COMP: variants seen among roughly 807,000 people sequenced by gnomAD.
COMP encodes the protein cartilage oligomeric matrix protein (pseudoachondroplasia, epiphyseal dysplasia 1, multiple).
COMP carries 79 observed loss-of-function variants against 95.8 expected under a neutral mutation model. The observed-to-expected ratio is 0.82, with a 90% CI of 0.69 to 0.99. The LOEUF (loss-of-function observed/expected upper bound fraction) is 0.99, where lower values mean the gene tolerates loss of function less well. COMP is among the 50% of genes least tolerant of loss of function. The pLI, the probability that COMP is intolerant of heterozygous loss-of-function variation, is 0.00. For missense variants in COMP, 906 were observed against 1,076.1 expected (o/e 0.84, Z 2.21); for synonymous variants, 438 against 433.9 (o/e 1.01, Z -0.12).
Position 18,784,099 on chromosome 19 carries a change from A to G in COMP, c.2087+92T>C. ...TCTTTCCTATCGTACAGATGAGGGGACCAGGGTCACACAGCCCCTGCCTGG... is the reference window on the plus strand; with the variant it reads ...TCTTTCCTATCGTACAGATGAGGGGGCCAGGGTCACACAGCCCCTGCCTGG... On this transcript the variant is annotated intron_variant, in intron 17 of 18. Coordinates refer to ENST00000222271, the MANE Select transcript of COMP (RefSeq NM_000095.3). This position sits in a 1 kb window ranked among gnomAD's most constrained non-coding sequence, Gnocchi z 4.9. 1 of 1,386,614 alleles carries G rather than the reference A, an allele frequency of 7.2e-7. No individual in the cohort carries two copies. Among genetic ancestry groups the G allele is most frequent in the South Asian group, 1.2e-5 (1 of 86,144 alleles). The allele number at this position is 1,386,614 out of a possible 1,614,324, so 85.9% of individuals were successfully genotyped here.
At position 18,788,653 on chromosome 19, in the gene COMP, G is replaced by A; in HGVS notation, c.701C>T (p.Pro234Leu). ...RAQRFCPDGS[P>L]SECHEHADCV... ...GTCTGCATGCTCGTGGCACTCGCTG[G>A]GCGAGCCGTCGGGGCAGAAGCGCTG... Residue 234 changes from proline to leucine, a missense_variant, in exon 7 of 19, where the codon CCC becomes CTC. Transcript: ENST00000222271. This position sits in a 1 kb window ranked among gnomAD's most constrained non-coding sequence, Gnocchi z 4.7. 6.5e-7 allele frequency: 1 copy of A among 1,546,016 alleles called. No individual in the cohort carries two copies. Among genetic ancestry groups the A allele is most frequent in the Non-Finnish European group, 8.7e-7 (1 of 1,146,412 alleles).
In COMP at chr19:18,788,850, T is replaced by A. The variant is rs1424892887; in HGVS notation, c.592A>T (p.Ile198Phe). Residue 198 changes from isoleucine to phenylalanine, a missense_variant, in exon 6 of 19, where the codon ATC (isoleucine) becomes TTC (phenylalanine). Ile to Phe is a conservative substitution (Grantham distance 21). Transcript: ENST00000222271. This position sits in a 1 kb window ranked among gnomAD's most constrained non-coding sequence, Gnocchi z 4.7. ...QHNCVPNSVC[I>F]NTRGSFQCGP... ...CCAGCGGGCCTTACCCGGGTGTTGA[T>A]GCACACGGAGTTGGGGACGCAGTTA... 1.2e-6 allele frequency: 2 copies of A among 1,613,948 alleles called. No homozygotes were observed. The highest frequency in any genetic ancestry group is 1.7e-5 in the Admixed American group (1 of 60,010).
Position 18,789,377 on chromosome 19 carries a change from G to A in COMP, c.391-80C>T, listed in dbSNP as rs946330106. 45 of 1,371,942 alleles carry A rather than the reference G, an allele frequency of 3.3e-5. No individual in the cohort carries two copies. The highest frequency in any genetic ancestry group is 3.5e-5 in the Non-Finnish European group (36 of 1,042,570). The allele number at this position is 1,371,942 out of a possible 1,614,324, so 85.0% of individuals were successfully genotyped here. A position where few individuals can be genotyped will look rare whatever the true frequency, so the allele number is the denominator to read the frequency against. On this transcript the variant is annotated intron_variant, in intron 4 of 18. Transcript: ENST00000222271. This position sits in a 1 kb window ranked among gnomAD's most constrained non-coding sequence, Gnocchi z 6.1. ...CCGCACCTCGTAGTGTCTCGGATGT[G>A]GAAAGTTCAAGGGCCATATGCCAGT...
At position 18,788,155 on chromosome 19, in the gene COMP, G is replaced by A; in HGVS notation, c.975+57C>T. The A allele has an allele frequency of 7.0e-7, 1 of 1,432,608 alleles. No homozygotes were observed. 88.7% of individuals were successfully genotyped at this position (1,432,608 alleles called of 1,614,324 possible). ...TTGACCTCGTGATCCGCCCGCCTCG[G>A]CCTCCCAAAGTGCTGGGATTACAGG... On this transcript the variant is annotated intron_variant, in intron 9 of 18. Transcript: ENST00000222271. This position sits in a 1 kb window ranked among gnomAD's most constrained non-coding sequence, Gnocchi z 4.7.
At position 18,788,014 on chromosome 19, in the gene COMP, C is replaced by T. The variant is rs2055182399; in HGVS notation, c.975+198G>A. ...CGCCTCCCGGGTTCAAGCGATTCTC[C>T]TGCCTCAGCCTCCTGAGTAGCTGGG... On this transcript the variant is annotated intron_variant, in intron 9 of 18. Transcript: ENST00000222271. The surrounding 1 kb of genome is among the most constrained non-coding windows in gnomAD (Gnocchi z 4.7). Among the ~76,000 whole-genome samples the T allele has an allele frequency of 6.6e-6, 1 of 151,812 alleles. No individual in the cohort carries two copies. Among genetic ancestry groups the T allele is most frequent in the African/African-American group, 2.4e-5 (1 of 41,280 alleles).
chr19:18,784,331 CT>C lies in COMP; in HGVS notation c.1946del (p.Gln649ArgfsTer?). ...CTGTATGCCACAGAGCGTTCCGCAG[CT>C]GTTCCCCGGGGCCTGTGGAAGACTT... ...AVKSSTGPGEQLRNALWHTGD... is the reference protein window; with the variant it reads ...AVKSSTGPGEXLRNALWHTGD... On this transcript the variant is annotated frameshift_variant, in exon 17 of 19. Coordinates refer to ENST00000222271, the MANE Select transcript of COMP (RefSeq NM_000095.3). LOFTEE classifies it high-confidence loss of function. This position sits in a 1 kb window ranked among gnomAD's most constrained non-coding sequence, Gnocchi z 4.9. 1 of 1,614,086 alleles carries C rather than the reference CT, an allele frequency of 6.2e-7. No individual in the cohort carries two copies. Among genetic ancestry groups the C allele is most frequent in the South Asian group, 1.1e-5 (1 of 91,086 alleles).
At position 18,788,947 on chromosome 19, in the gene COMP, C is replaced by T. The variant is rs769467469; in HGVS notation, c.529-34G>A. On this transcript the variant is annotated intron_variant, in intron 5 of 18. Coordinates refer to ENST00000222271, the MANE Select transcript of COMP (RefSeq NM_000095.3). The surrounding 1 kb of genome is among the most constrained non-coding windows in gnomAD (Gnocchi z 4.7). ...GGGGAACTCAGAGGTCACCACCCCA[C>T]GCAGACACCTCCGGACCTCCCACCT... 1.9e-6 allele frequency: 3 copies of T among 1,607,364 alleles called. No individual in the cohort carries two copies. In the African/African-American group the frequency reaches 4.0e-5, roughly 21 times the overall value.
In COMP at chr19:18,788,902, G is replaced by T; in HGVS notation, c.540C>A (p.Asp180Glu). The T allele has an allele frequency of 6.2e-7, 1 of 1,613,724 alleles. No homozygotes were observed. The highest frequency in any genetic ancestry group is 8.5e-7 in the Non-Finnish European group (1 of 1,179,952). Residue 180 changes from aspartate (D) to glutamate (E), a missense_variant, in exon 6 of 19, where the codon GAC becomes GAA. Coordinates refer to ENST00000222271, the MANE Select transcript of COMP (RefSeq NM_000095.3). The surrounding 1 kb of genome is among the most constrained non-coding windows in gnomAD (Gnocchi z 4.7). ...GTTGCCCGGTCTCACACTCGTTGAT[G>T]TCCGTGCAAACCTAGGGGAGGGGAA... The part of the protein sequence containing the change: ...FAKANKQVCT[D>E]INECETGQHN...
At position 18,786,637 on chromosome 19, in the gene COMP, C is replaced by T. The variant is rs902903169; in HGVS notation, c.1149G>A (p.Gln383=). The change falls in exon 11 of 19, where the codon CAG becomes CAA. Residue 383 remains glutamine, a synonymous_variant. Coordinates refer to ENST00000222271, the MANE Select transcript of COMP (RefSeq NM_000095.3). ...DDIDGDRIRN[Q]ADNCPRVPNS... is the part of the protein sequence containing the mutation. Reference sequence around the variant, plus strand: ...TGGGTACCCTAGGGCAGTTGTCGGCCTGGTTGCGGATCCCTGCAGAAATCC... The same window carrying T: ...TGGGTACCCTAGGGCAGTTGTCGGCTTGGTTGCGGATCCCTGCAGAAATCC... The T allele has an allele frequency of 3.3e-5, 53 of 1,613,890 alleles. No homozygotes were observed. The highest frequency in any genetic ancestry group is 4.4e-5 in the Non-Finnish European group (52 of 1,179,952).
Position 18,790,513 on chromosome 19 carries a change from GTC to G in COMP, c.217+47_217+48del, listed in dbSNP as rs770913659. ...CCTGGCTCTCTGTCTCTGTCTCTGT[GTC>G]TCTGTCTCCCGTCTCTTCTCTCTCC... On this transcript the variant is annotated intron_variant, in intron 3 of 18. Transcript: ENST00000222271. The G allele has an allele frequency of 5.0e-6, 8 of 1,606,956 alleles. No individual in the cohort carries two copies. In the African/African-American group the frequency reaches 1.1e-4, roughly 22 times the overall value.
chr19:18,787,355 T>C (rs1435020158), intron 10 of COMP, 136 bp downstream of exon 10: 15 of 1,259,042 alleles, frequency 1.2e-5, no homozygotes, highest in Non-Finnish European at 1.6e-5. Context: ...CGCCCCACCA[T>C]GGTCTTTGGT....
At position 18,789,246 on chromosome 19, in the gene COMP, C is replaced by T; in HGVS notation, c.442G>A (p.Gly148Arg). 1.3e-6 allele frequency: 2 copies of T among 1,526,650 alleles called. No homozygotes were observed. The highest frequency in any genetic ancestry group is 1.7e-6 in the Non-Finnish European group (2 of 1,144,616). 94.6% of individuals were successfully genotyped at this position (1,526,650 alleles called of 1,614,324 possible). A position where few individuals can be genotyped will look rare whatever the true frequency, so the allele number is the denominator to read the frequency against. ...GGCGGGCAAGCCTCGCAGCGGAACC[C>T]CGGGCTGGTGTTGATACAGCGGACT... ...PRVRCINTSP[G>R]FRCEACPPGY... The change falls in exon 5 of 19, where the codon GGG (glycine) becomes AGG (arginine). Residue 148 changes from glycine (G) to arginine (R), a missense_variant. Gly to Arg is a moderately radical substitution (Grantham distance 125). Coordinates refer to ENST00000222271, the MANE Select transcript of COMP (RefSeq NM_000095.3). This position sits in a 1 kb window ranked among gnomAD's most constrained non-coding sequence, Gnocchi z 6.1.
At position 18,789,466 on chromosome 19, in the gene COMP, G is replaced by T. The variant is rs2145904328; in HGVS notation, c.391-169C>A. 1.3e-5 allele frequency among the ~76,000 whole-genome samples: 2 copies of T among 152,278 alleles called. No individual in the cohort carries two copies. The highest frequency in any genetic ancestry group is 3.9e-4 in the East Asian group (2 of 5,178). ...CAGGCACGACTTTGCCTTGATGACGGCAAGGGCGCAACCGGGAGAGGAGAG... is the reference window on the plus strand; with the variant it reads ...CAGGCACGACTTTGCCTTGATGACGTCAAGGGCGCAACCGGGAGAGGAGAG... On this transcript the variant is annotated intron_variant, in intron 4 of 18. Transcript: ENST00000222271. The surrounding 1 kb of genome is among the most constrained non-coding windows in gnomAD (Gnocchi z 6.1).
chr19:18,785,449 C>T (rs1049783315), intron 15 of COMP, 49 bp downstream of exon 15: 1 of 1,610,426 alleles, frequency 6.2e-7, no homozygotes, highest in Non-Finnish European at 8.5e-7. Flanking sequence ...TCTGGCCCCT[C>T]TCCCTGAGCC....
chr19:18,786,537 C>T lies in COMP; in HGVS notation c.1249G>A (p.Asp417Asn), dbSNP rs764590130. 5.6e-6 allele frequency: 9 copies of T among 1,613,722 alleles called. No individual in the cohort carries two copies. Among genetic ancestry groups the T allele is most frequent in the South Asian group, 2.2e-5 (2 of 91,086 alleles). The change falls in exon 11 of 19, where the codon GAT becomes AAT. Residue 417 changes from aspartate to asparagine, a missense_variant. Physicochemically the swap from Asp to Asn is conservative, Grantham distance 23 (BLOSUM62 1). Coordinates refer to ENST00000222271, the MANE Select transcript of COMP (RefSeq NM_000095.3). Reference protein sequence around the residue: ...CDNCPQKSNPDQADVDHDFVG... With the variant: ...CDNCPQKSNPNQADVDHDFVG... Reference sequence around the variant, plus strand: ...GGAGTCTGGCCTGCCCTCACCTGATCCGGGTTGCTCTTCTGGGGACAGTTG... The same window carrying T: ...GGAGTCTGGCCTGCCCTCACCTGATTCGGGTTGCTCTTCTGGGGACAGTTG...
intron 17 of COMP, 52 bp from the exon 18 acceptor site, chr19:18,783,245 C>G (rs1157788816): frequency 6.3e-7 from 1 of 1,593,346 alleles, no homozygotes; most frequent in South Asian, 1.1e-5. Context: ...ACCCTTCCCT[C>G]TCAGAGCTTC....
chr19:18,787,888 T>TTCTG (rs2055180725), intron 9 of COMP, among the ~76,000 whole-genome samples: 1 of 89,008 alleles, frequency 1.1e-5, no homozygotes, highest in African/African-American at 3.6e-5. Flanking sequence ...CTTTCTTTCT[T>TTCTG]TCTTTCTTTC....
Position 18,789,357 on chromosome 19 carries a change from C to T in COMP, c.391-60G>A, listed in dbSNP as rs747837088. 17 of 1,409,414 alleles carry T rather than the reference C, an allele frequency of 1.2e-5. No individual in the cohort carries two copies. Among genetic ancestry groups the T allele is most frequent in the South Asian group, 1.6e-5 (1 of 61,648 alleles). The allele number at this position is 1,409,414 out of a possible 1,614,324, so 87.3% of individuals were successfully genotyped here. On this transcript the variant is annotated intron_variant, in intron 4 of 18. Transcript: ENST00000222271. This position sits in a 1 kb window ranked among gnomAD's most constrained non-coding sequence, Gnocchi z 6.1. ...TTCGAGCTGGGCCCTGGGGGCCGCA[C>T]CTCGTAGTGTCTCGGATGTGGAAAG... is the stretch of plus-strand genomic sequence containing the variant.
chr19:18,789,862 G>A lies in COMP; in HGVS notation c.390+80C>T, dbSNP rs2055198334. On this transcript the variant is annotated intron_variant, in intron 4 of 18. Transcript: ENST00000222271. This position sits in a 1 kb window ranked among gnomAD's most constrained non-coding sequence, Gnocchi z 6.1. Reference sequence around the variant, plus strand: ...TTCGGGGCGAACACTCCCAGTGGAGGAAGGGGTCTCCCGGGCGGCGAGAGA... The same window carrying A: ...TTCGGGGCGAACACTCCCAGTGGAGAAAGGGGTCTCCCGGGCGGCGAGAGA... 17 of 1,516,704 alleles carry A rather than the reference G, an allele frequency of 1.1e-5. No homozygotes were observed. Among genetic ancestry groups the A allele is most frequent in the Non-Finnish European group, 1.5e-5 (17 of 1,118,752 alleles). The allele number at this position is 1,516,704 out of a possible 1,614,324, so 94.0% of individuals were successfully genotyped here.
Sources: gnomAD v4.1 joint callset for allele counts (sites outside exome capture counted in the v4.1 genomes callset) on GRCh38, gnomAD v4.1.1 for gene constraint, Gnocchi (gnomAD v3.1) non-coding constraint, MANE v1.5 for transcripts, NCBI Gene and HGNC (gene_info 2026-07-23, HGNC 2026-07-21) for gene names.